FSTL5: variants seen among roughly 807,000 people sequenced by gnomAD.
FSTL5 encodes the protein follistatin like 5.
In FSTL5, 62 loss-of-function variants were observed where a neutral mutation model predicts 89.1. That is an observed-to-expected ratio of 0.70 (90% CI 0.57 to 0.86). The LOEUF (loss-of-function observed/expected upper bound fraction) is 0.86. Among genes scored for constraint, FSTL5 ranks in the 40% least tolerant of loss-of-function variants. FSTL5 has a pLI of 0.00. For synonymous variants in FSTL5, 383 were observed against 346.2 expected (o/e 1.11, Z -1.18); for missense variants, 1,057 against 1,001.6 (o/e 1.06, Z -0.75).
intron 12 of FSTL5, among the ~76,000 whole-genome samples, chr4:161,486,853 G>A (rs1400096779): frequency 2.0e-5 from 3 of 152,066 alleles, no homozygotes; most frequent in East Asian, 3.9e-4. Context: ...AATTACAAAT[G>A]TATAACTTTT....
chr4:161,430,378 T>A (rs1400913458), intron 15 of FSTL5, among the ~76,000 whole-genome samples: 12 of 152,162 alleles, frequency 7.9e-5, no homozygotes, highest in Admixed American at 7.9e-4. Flanking sequence ...GGTATCCATA[T>A]TCAAGTCAAA....
chr4:161,692,109 A>G (rs1016939048), intron 6 of FSTL5, among the ~76,000 whole-genome samples: 6 of 151,976 alleles, frequency 3.9e-5, no homozygotes, highest in African/African-American at 1.5e-4. Flanking sequence ...GACTTGCAGT[A>G]TAATGTTGAC....
At chr4:161,675,371 A>G (rs1163498070) in intron 6 of FSTL5, among the ~76,000 whole-genome samples, 4 of 151,680 alleles carry the variant, frequency 2.6e-5, no homozygotes, top group Non-Finnish European at 5.9e-5. Context: ...TCAAAATCAT[A>G]ATAGAAATGA....
At chr4:161,835,457 T>C (rs1435528996) in intron 4 of FSTL5, among the ~76,000 whole-genome samples, 1 of 151,772 alleles carries the variant, frequency 6.6e-6, no homozygotes, top group Non-Finnish European at 1.5e-5. Flanking sequence ...ACAAATGGGA[T>C]CTAATTAAAC....
chr4:161,663,206 G>A (rs919577043), intron 6 of FSTL5, among the ~76,000 whole-genome samples: 2 of 151,918 alleles, frequency 1.3e-5, no homozygotes, highest in South Asian at 2.1e-4. Context: ...TCATGTCCTC[G>A]CATTTCAAAA....
chr4:161,538,037 G>T, intron 10 of FSTL5, 129 bp downstream of exon 10: 5 of 784,512 alleles, frequency 6.4e-6, no homozygotes, highest in Non-Finnish European at 9.9e-6. Context: ...TCCTTCCTAC[G>T]TATAAAATCT....
intron 4 of FSTL5, among the ~76,000 whole-genome samples, chr4:161,890,711 G>A (rs886751707): frequency 4.0e-5 from 6 of 150,322 alleles, no homozygotes; most frequent in Admixed American, 2.7e-4. Context: ...AAAAAACAGG[G>A]TCTATTCTCT....
intron 15 of FSTL5, among the ~76,000 whole-genome samples, chr4:161,451,897 T>C (rs191641441): frequency 6.6e-6 from 1 of 152,250 alleles, no homozygotes; most frequent in East Asian, 1.9e-4. Flanking sequence ...TTTTAGGCAC[T>C]AAGAATATAA....
In FSTL5 at chr4:161,385,400, T is replaced by C. The variant is rs1479500755; in HGVS notation, c.*347A>G. ...AAAAGGACAGAGAAAAAAAATAAAC[T>C]ACCCTCAAAATGAAATAATGCTTTA... On this transcript the variant is annotated 3_prime_UTR_variant, in exon 16 of 16. Coordinates refer to ENST00000306100, the MANE Select transcript of FSTL5 (RefSeq NM_020116.5). 5.4e-6 allele frequency: 1 copy of C among 186,048 alleles called. No homozygotes were observed. The highest frequency in any genetic ancestry group is 1.1e-5 in the Non-Finnish European group (1 of 89,408). The allele number at this position is 186,048 out of a possible 1,614,324, so 11.5% of individuals were successfully genotyped here.
chr4:161,767,468 C>G (rs758649921), intron 5 of FSTL5, among the ~76,000 whole-genome samples: 1 of 152,092 alleles, frequency 6.6e-6, no homozygotes, highest in African/African-American at 2.4e-5. Context: ...CAATTTAGAC[C>G]GTAGCTTTTC....
chr4:161,603,957 A>G (rs1157354098), intron 7 of FSTL5, among the ~76,000 whole-genome samples: 1 of 151,946 alleles, frequency 6.6e-6, no homozygotes, highest in Admixed American at 6.5e-5. Flanking sequence ...GTAAAAACTA[A>G]TCAATCAATT....
At position 161,546,777 on chromosome 4, in the gene FSTL5, C is replaced by T. The variant is rs1313432084; in HGVS notation, c.1016-4084G>A. On this transcript the variant is annotated intron_variant, in intron 8 of 15. Transcript: ENST00000306100. Reference sequence around the variant, plus strand: ...CTTTTCCAAAATAAAGTAAAAATAACACCAATCTTATACAAGCTCTTCTAG... The same window carrying T: ...CTTTTCCAAAATAAAGTAAAAATAATACCAATCTTATACAAGCTCTTCTAG... Among the ~76,000 whole-genome samples the T allele has an allele frequency of 3.3e-5, 5 of 151,846 alleles. No individual in the cohort carries two copies. The South Asian group carries it at 6.2e-4, about 19-fold the overall frequency.
rs72990920 is a variant in FSTL5, at chr4:161,565,266, T to C, written c.1015+22189A>G. ...TCATCATATTTATTATAATTAGCCATAAGAACATCTTTTTGCATTTGATTA... is the reference window on the plus strand; with the variant it reads ...TCATCATATTTATTATAATTAGCCACAAGAACATCTTTTTGCATTTGATTA... On this transcript the variant is annotated intron_variant, in intron 8 of 15. Transcript: ENST00000306100. Among the ~76,000 whole-genome samples, 382 of 150,998 alleles carry C rather than the reference T, an allele frequency of 2.5e-3. 2 individuals carry two copies. The highest frequency in any genetic ancestry group is 8.6e-3 in the African/African-American group (353 of 41,192).
At chr4:162,011,729 G>A (rs60687467) in intron 3 of FSTL5, among the ~76,000 whole-genome samples, 7,587 of 151,984 alleles carry the variant, frequency 0.05, 509 homozygotes, top group African/African-American at 0.16. Context: ...ACTCCTGACC[G>A]CAGGTGATCT....
intron 15 of FSTL5, among the ~76,000 whole-genome samples, chr4:161,399,644 T>C (rs1174969000): frequency 6.6e-6 from 1 of 152,110 alleles, no homozygotes; most frequent in African/African-American, 2.4e-5. Context: ...TCTCATAATG[T>C]TATTCAAAGT....
chr4:162,063,333 C>G (rs974524285), intron 2 of FSTL5, among the ~76,000 whole-genome samples: 2 of 151,644 alleles, frequency 1.3e-5, no homozygotes, highest in African/African-American at 4.8e-5. Context: ...ATAAACTTCT[C>G]TTATACAAGA....
At chr4:161,935,741 T>C (rs540942848) in intron 3 of FSTL5, among the ~76,000 whole-genome samples, 2 of 152,282 alleles carry the variant, frequency 1.3e-5, no homozygotes, top group Admixed American at 6.5e-5. Context: ...CTTGTATCCA[T>C]TCTGCCCAAT....
rs928440328 is a variant in FSTL5 at position 161,575,742 on chromosome 4, C to T, written c.1015+11713G>A. Among the ~76,000 whole-genome samples the T allele has an allele frequency of 1.2e-4, 18 of 152,104 alleles. 1 individual carries two copies. The highest frequency in any genetic ancestry group is 9.8e-4 in the Admixed American group (15 of 15,258). ...GCTGGGATTACAAGGCGTGAGCCAC[C>T]GTGCACGGCCGCCTAGGTTTTCTTC... On this transcript the variant is annotated intron_variant, in intron 8 of 15. Transcript: ENST00000306100.
chr4:161,852,979 T>C (rs1245036422), intron 4 of FSTL5, among the ~76,000 whole-genome samples: 3 of 152,196 alleles, frequency 2.0e-5, no homozygotes, highest in African/African-American at 7.2e-5. Context: ...CCTGTGCATG[T>C]ACCCCTGAAC....
Sources: allele counts gnomAD v4.1 joint callset (sites outside exome capture counted in the v4.1 genomes callset), GRCh38; gene constraint gnomAD v4.1.1; transcripts MANE v1.5; gene names NCBI Gene and HGNC (gene_info 2026-07-23, HGNC 2026-07-21).